Variants in SOX13 observed in about 807,000 individuals in gnomAD.
SOX13 encodes SRY-box transcription factor 13.
SOX13 carries 28 observed loss-of-function variants against 71.8 expected under a neutral mutation model. That is an observed-to-expected ratio of 0.39 (90% CI 0.29 to 0.53). The LOEUF is 0.53. SOX13 is among the 20% of genes least tolerant of loss of function. The probability of loss-of-function intolerance (pLI) is 0.70; values close to 1 mark genes in which losing one functional copy is unlikely to be tolerated. For synonymous variants in SOX13, 309 were observed against 317.8 expected (o/e 0.97, Z 0.29); for missense variants, 627 against 810.3 (o/e 0.77, Z 2.75).
At chr1:204,098,755 G>A (rs1293433259) in intron 1 of SOX13, among the ~76,000 whole-genome samples, 2 of 152,166 alleles carry the variant, frequency 1.3e-5, no homozygotes, top group Admixed American at 6.5e-5. Flanking sequence ...CAGGGTCTGG[G>A]CAGCCTGGAG....
In SOX13 at chr1:204,076,960, T is replaced by C. The variant is rs377420983; in HGVS notation, c.-2+3249T>C. Among the ~76,000 whole-genome samples, 7 of 152,338 alleles carry C rather than the reference T, an allele frequency of 4.6e-5. No homozygotes were observed. In the South Asian group the frequency reaches 1.2e-3, roughly 27 times the overall value. ...GAGACAGACAGTAAATACTTTTAAGTAACCAAGACTATCAGATTATGACAT... is the reference window on the plus strand; with the variant it reads ...GAGACAGACAGTAAATACTTTTAAGCAACCAAGACTATCAGATTATGACAT... On this transcript the variant is annotated intron_variant, in intron 1 of 13. Transcript: ENST00000367204.
Position 204,122,296 on chromosome 1 carries a change from C to T in SOX13, c.921C>T (p.Thr307=), listed in dbSNP as rs1328187082. Residue 307 remains threonine, a synonymous_variant, in exon 9 of 14, where the codon ACC becomes ACT. Coordinates refer to ENST00000367204, the MANE Select transcript of SOX13 (RefSeq NM_005686.3). Reference sequence around the variant, plus strand: ...CCAAGGCCCCCGAGCTGCCCAACACCTCCAGCTCCCCAAGCCTGAAGATGA... The same window carrying T: ...CCAAGGCCCCCGAGCTGCCCAACACTTCCAGCTCCCCAAGCCTGAAGATGA... ...AKPKAPELPN[T]SSSPSLKMSS... is the part of the protein sequence containing the mutation. 7 of 1,585,084 alleles carry T rather than the reference C, an allele frequency of 4.4e-6. No homozygotes were observed. Among genetic ancestry groups the T allele is most frequent in the Non-Finnish European group, 6.0e-6 (7 of 1,166,042 alleles).
intron 7 of SOX13, 173 bp downstream of exon 7, chr1:204,117,880 TG>T (rs1656726510): frequency 1.7e-6 from 1 of 601,512 alleles, no homozygotes; most frequent in East Asian, 2.8e-5. Context: ...TGAATTTCTC[TG>T]AACTTCACTG....
At chr1:204,080,913 T>C (rs1479972452) in intron 1 of SOX13, among the ~76,000 whole-genome samples, 2 of 150,422 alleles carry the variant, frequency 1.3e-5, no homozygotes, top group African/African-American at 4.9e-5. Flanking sequence ...TGACTTTTTT[T>C]TTTTTTTTTT....
chr1:204,121,740 GC>G (rs1229292626), intron 7 of SOX13, 159 bp from the exon 8 acceptor site: 5 of 691,772 alleles, frequency 7.2e-6, no homozygotes, highest in African/African-American at 7.0e-5. Flanking sequence ...GGGGATAGGA[GC>G]CTCCAAGCAG....
chr1:204,077,061 G>A (rs576190071), intron 1 of SOX13, among the ~76,000 whole-genome samples: 1 of 152,236 alleles, frequency 6.6e-6, no homozygotes, highest in African/African-American at 2.4e-5. Context: ...CCTAGATTGG[G>A]AGGCCAGTGA....
Position 204,117,095 on chromosome 1 carries a change from C to T in SOX13, c.592-27C>T, listed in dbSNP as rs559593642. On this transcript the variant is annotated intron_variant, in intron 5 of 13. Coordinates refer to ENST00000367204, the MANE Select transcript of SOX13 (RefSeq NM_005686.3). ...GCACCAGGGCTAATGTCCGTGACCCCCTCTGCCTACTCTTTCCCTCTCCCA... is the reference window on the plus strand; with the variant it reads ...GCACCAGGGCTAATGTCCGTGACCCTCTCTGCCTACTCTTTCCCTCTCCCA... 2.7e-5 allele frequency: 44 copies of T among 1,612,340 alleles called. No individual in the cohort carries two copies. The African/African-American group carries it at 4.5e-4, about 17-fold the overall frequency.
At chr1:204,084,966 A>G (rs1157061624) in intron 1 of SOX13, among the ~76,000 whole-genome samples, 1 of 152,130 alleles carries the variant, frequency 6.6e-6, no homozygotes, top group African/African-American at 2.4e-5. Context: ...CCAAACATGA[A>G]ATGGATGGGA....
chr1:204,116,562 G>C lies in SOX13; in HGVS notation c.474G>C (p.Gln158His), dbSNP rs1376154833. 1.2e-6 allele frequency: 2 copies of C among 1,614,054 alleles called. No homozygotes were observed. Among genetic ancestry groups the C allele is most frequent in the South Asian group, 2.2e-5 (2 of 91,090 alleles). ...KELQLLVMIH[Q>H]LSTLRDQLLT... ...TCCAGCTTCTGGTCATGATTCACCA[G>C]CTGTCCACCCTGCGGGACCAGCTCC... Residue 158 changes from glutamine (Q) to histidine (H), a missense_variant, in exon 5 of 14, where the codon CAG becomes CAC. By Grantham distance (24) the Gln-to-His change is conservative (BLOSUM62 0). Coordinates refer to ENST00000367204, the MANE Select transcript of SOX13 (RefSeq NM_005686.3).
At chr1:204,119,560 T>A (rs1331388485) in intron 7 of SOX13, 1 of 152,010 alleles carries the variant, frequency 6.6e-6, no homozygotes, top group Non-Finnish European at 1.5e-5. Flanking sequence ...GGAATTGGGG[T>A]GGGGGAGGCA....
rs537319191 is a variant in SOX13 at position 204,117,009 on chromosome 1, C to T, written c.592-113C>T. On this transcript the variant is annotated intron_variant, in intron 5 of 13. Coordinates refer to ENST00000367204, the MANE Select transcript of SOX13 (RefSeq NM_005686.3). ...CTGACTGCTTTGCTCCCTACTGCCA[C>T]CCCACTCCATGGCTTGCCCCACTGT... The T allele has an allele frequency of 3.4e-4, 359 of 1,066,452 alleles. 1 individual carries two copies. The South Asian group carries it at 3.9e-3, about 11-fold the overall frequency. 66.1% of individuals were successfully genotyped at this position (1,066,452 alleles called of 1,614,324 possible). A position where few individuals can be genotyped will look rare whatever the true frequency, so the allele number is the denominator to read the frequency against.
intron 1 of SOX13, among the ~76,000 whole-genome samples, chr1:204,093,612 G>A (rs1656189704): frequency 6.6e-6 from 1 of 152,222 alleles, no homozygotes; most frequent in Admixed American, 6.5e-5. Flanking sequence ...TTGGCACCCA[G>A]CCCAGCAGGC....
intron 4 of SOX13, among the ~76,000 whole-genome samples, chr1:204,115,492 T>TAAAAAAAA (rs71145062): frequency 2.0e-5 from 1 of 49,928 alleles, no homozygotes; most frequent in Non-Finnish European, 3.6e-5. Context: ...TTTTTTTTTT[T>TAAAAAAAA]AAAAAAAAAA....
Position 204,116,999 on chromosome 1 carries a change from C to T in SOX13, c.592-123C>T. On this transcript the variant is annotated intron_variant, in intron 5 of 13. Coordinates refer to ENST00000367204, the MANE Select transcript of SOX13 (RefSeq NM_005686.3). ...ATTCTGAGGGCTGACTGCTTTGCTC[C>T]CTACTGCCACCCCACTCCATGGCTT... is the stretch of plus-strand genomic sequence containing the variant. 4.1e-6 allele frequency: 4 copies of T among 977,654 alleles called. No individual in the cohort carries two copies. In the South Asian group the frequency reaches 4.4e-5, roughly 11 times the overall value. 60.6% of individuals were successfully genotyped at this position (977,654 alleles called of 1,614,324 possible).
In SOX13 at chr1:204,125,945, G is replaced by A; in HGVS notation, c.1680G>A (p.Glu560=). ...AGMPLAQPLV[E]HYVPRSLDPN... ...TGCCGCTGGCACAGCCACTGGTGGA[G>A]CACTATGTCCCTCGTAGCCTGGACC... Residue 560 remains glutamate, a synonymous_variant, in exon 14 of 14, where the codon GAG becomes GAA. Transcript: ENST00000367204. The A allele has an allele frequency of 6.2e-7, 1 of 1,613,852 alleles. No homozygotes were observed. The highest frequency in any genetic ancestry group is 8.5e-7 in the Non-Finnish European group (1 of 1,179,866).
Position 204,127,080 on chromosome 1 carries a change from GCCATTT to G in SOX13, c.*947_*952del, listed in dbSNP as rs1656936359. On this transcript the variant is annotated 3_prime_UTR_variant, in exon 14 of 14. Coordinates refer to ENST00000367204, the MANE Select transcript of SOX13 (RefSeq NM_005686.3). ...GGCTCTGCCAGTCGGTTCCCACGGA[GCCATTT>G]TTAGCTCTGATCAGCATGGGAATGT... 1 of 152,670 alleles carries G rather than the reference GCCATTT, an allele frequency of 6.6e-6. No homozygotes were observed. The highest frequency in any genetic ancestry group is 6.6e-5 in the Admixed American group (1 of 15,236). The allele number at this position is 152,670 out of a possible 1,614,324, so 9.5% of individuals were successfully genotyped here. A position where few individuals can be genotyped will look rare whatever the true frequency, so the allele number is the denominator to read the frequency against.
In SOX13 at chr1:204,120,642, C is replaced by T. The variant is rs531706758; in HGVS notation, c.776-1258C>T. Among the ~76,000 whole-genome samples the T allele has an allele frequency of 2.1e-3, 325 of 152,354 alleles. 1 individual carries two copies. The highest frequency in any genetic ancestry group is 4.2e-3 in the Non-Finnish European group (283 of 68,028). On this transcript the variant is annotated intron_variant, in intron 7 of 13. Coordinates refer to ENST00000367204, the MANE Select transcript of SOX13 (RefSeq NM_005686.3). The stretch of plus-strand genomic sequence containing the variant: ...CCCCACCACTCCATCTCTACTTGCC[C>T]AAATCCTGCCCATCCTGCAGGCACT...
intron 4 of SOX13, chr1:204,116,053 A>C: frequency 1.1e-5 from 7 of 655,368 alleles, no homozygotes; most frequent in Non-Finnish European, 1.5e-5. Context: ...CCTAAAGTGC[A>C]GAGAAATTGG....
intron 1 of SOX13, among the ~76,000 whole-genome samples, chr1:204,084,233 G>T (rs1222802221): frequency 1.3e-5 from 2 of 152,206 alleles, no homozygotes; most frequent in Non-Finnish European, 1.5e-5. Flanking sequence ...CCTGCCTGTG[G>T]TGTGGTGCTG....
Sources: gnomAD v4.1 joint callset for allele counts (sites outside exome capture counted in the v4.1 genomes callset) on GRCh38, gnomAD v4.1.1 for gene constraint, MANE v1.5 for transcripts, NCBI Gene and HGNC (gene_info 2026-07-23, HGNC 2026-07-21) for gene names.